PARD3: variants seen among roughly 807,000 people sequenced by gnomAD.
PARD3 encodes partitioning defective 3 homolog.
PARD3 carries 75 observed loss-of-function variants against 155.4 expected under a neutral mutation model. The observed-to-expected ratio is 0.48, with a 90% CI of 0.40 to 0.58. PARD3 has a LOEUF of 0.58. PARD3 is among the 20% of genes least tolerant of loss of function. The pLI is 0.00. For missense variants in PARD3, 1,642 were observed against 1,721.7 expected (o/e 0.95, Z 0.82); for synonymous variants, 576 against 610.5 (o/e 0.94, Z 0.83).
chr10:34,359,003 C>T (rs915101040), intron 14 of PARD3, 144 bp downstream of exon 14: 16 of 592,496 alleles, frequency 2.7e-5, no homozygotes, highest in African/African-American at 5.7e-5. Context: ...AATCCACCTA[C>T]AAAATAATAA....
chr10:34,309,993 C>T (rs1450875440), intron 20 of PARD3, among the ~76,000 whole-genome samples: 2 of 151,022 alleles, frequency 1.3e-5, no homozygotes, highest in Admixed American at 6.6e-5. Flanking sequence ...TCTTTTGCTT[C>T]TAAATTGGCT....
chr10:34,243,229 T>C (rs1359990705), intron 22 of PARD3, among the ~76,000 whole-genome samples: 2 of 152,114 alleles, frequency 1.3e-5, no homozygotes, highest in Admixed American at 1.3e-4. Context: ...GTACTGACAG[T>C]TCAAATTTGA....
At chr10:34,491,696 G>A (rs559392524) in intron 3 of PARD3, among the ~76,000 whole-genome samples, 2 of 152,298 alleles carry the variant, frequency 1.3e-5, no homozygotes, top group African/African-American at 4.8e-5. Flanking sequence ...AGCATTTTAA[G>A]AAAACCAAAC....
intron 4 of PARD3, 59 bp downstream of exon 4, chr10:34,470,026 A>C (rs1394708700): frequency 5.8e-6 from 8 of 1,388,690 alleles, no homozygotes; most frequent in African/African-American, 2.9e-5. Context: ...GACACTCATC[A>C]CGGACACCAA....
At chr10:34,514,287 AC>A (rs2081574280) in intron 3 of PARD3, among the ~76,000 whole-genome samples, 1 of 152,202 alleles carries the variant, frequency 6.6e-6, no homozygotes, top group African/African-American at 2.4e-5. Flanking sequence ...GCAAATCTCT[AC>A]ATATTGTTGG....
chr10:34,353,114 G>T (rs557688296), intron 14 of PARD3, among the ~76,000 whole-genome samples: 2 of 151,910 alleles, frequency 1.3e-5, no homozygotes, highest in South Asian at 4.1e-4. Flanking sequence ...CCCAGCAGCC[G>T]CCCCGTCTGG....
chr10:34,485,375 A>G (rs2079385430), intron 3 of PARD3, among the ~76,000 whole-genome samples: 1 of 152,024 alleles, frequency 6.6e-6, no homozygotes, highest in Non-Finnish European at 1.5e-5. Flanking sequence ...AAGGTTAAAG[A>G]TATGCCCCCA....
intron 4 of PARD3, among the ~76,000 whole-genome samples, chr10:34,453,898 T>C (rs2077191888): frequency 6.6e-6 from 1 of 152,218 alleles, no homozygotes; most frequent in African/African-American, 2.4e-5. Context: ...TTGAAGAATT[T>C]TACAATTTTA....
chr10:34,239,775 C>T (rs1040651440), intron 22 of PARD3, among the ~76,000 whole-genome samples: 2 of 149,682 alleles, frequency 1.3e-5, no homozygotes, highest in Non-Finnish European at 3.0e-5. Flanking sequence ...TGCATTCTAG[C>T]CTGGGCAATG....
At chr10:34,786,352 T>C (rs1840964160) in intron 1 of PARD3, among the ~76,000 whole-genome samples, 1 of 152,216 alleles carries the variant, frequency 6.6e-6, no homozygotes, top group African/African-American at 2.4e-5. Context: ...CTTTGACCCA[T>C]AACTATTGAC....
At chr10:34,414,664 T>A (rs1246091870) in intron 5 of PARD3, among the ~76,000 whole-genome samples, 2 of 150,434 alleles carry the variant, frequency 1.3e-5, no homozygotes, top group Non-Finnish European at 3.0e-5. Flanking sequence ...AAAAAAAAAA[T>A]TAAAAGAAAA....
chr10:34,639,908 C>A (rs948155176), intron 2 of PARD3, among the ~76,000 whole-genome samples: 3 of 152,088 alleles, frequency 2.0e-5, no homozygotes, highest in African/African-American at 7.2e-5. Context: ...AGATACCTCG[C>A]AGAGTGTTAT....
chr10:34,527,083 T>A (rs952223061), intron 2 of PARD3, among the ~76,000 whole-genome samples: 1 of 152,252 alleles, frequency 6.6e-6, no homozygotes, highest in Non-Finnish European at 1.5e-5. Flanking sequence ...TTGCAAATTA[T>A]ATTTAAAATG....
At chr10:34,429,440 G>A (rs1382002660) in intron 5 of PARD3, among the ~76,000 whole-genome samples, 1 of 151,440 alleles carries the variant, frequency 6.6e-6, no homozygotes. Flanking sequence ...TGTCACCCAG[G>A]CTGGAGTACA....
chr10:34,333,134 G>A (rs1054693561), intron 18 of PARD3, among the ~76,000 whole-genome samples: 4 of 152,052 alleles, frequency 2.6e-5, no homozygotes, highest in African/African-American at 9.6e-5. Context: ...GTTTATTAAG[G>A]ATATGTGTAT....
intron 20 of PARD3, among the ~76,000 whole-genome samples, chr10:34,297,166 G>A (rs559137586): frequency 9.2e-5 from 14 of 152,202 alleles, no homozygotes; most frequent in South Asian, 4.2e-4. Flanking sequence ...AGCCGGGTAC[G>A]GTGGCGCACG....
intron 23 of PARD3, among the ~76,000 whole-genome samples, chr10:34,120,818 CTAAA>C (rs1275337958): frequency 6.6e-6 from 1 of 152,186 alleles, no homozygotes; most frequent in African/African-American, 2.4e-5. Flanking sequence ...ATCCTTCTAA[CTAAA>C]TACTTTGGTT....
At chr10:34,468,591 A>G (rs1206241714) in intron 4 of PARD3, among the ~76,000 whole-genome samples, 1 of 152,232 alleles carries the variant, frequency 6.6e-6, no homozygotes, top group Non-Finnish European at 1.5e-5. Context: ...TTACAAGCTA[A>G]TCTTAATGAG....
intron 3 of PARD3, among the ~76,000 whole-genome samples, chr10:34,492,326 C>T (rs546042458): frequency 6.6e-6 from 1 of 152,280 alleles, no homozygotes; most frequent in Non-Finnish European, 1.5e-5. Flanking sequence ...TCTTAATTCA[C>T]AGGGTAAACC....
Sources: gnomAD v4.1 joint callset for allele counts (sites outside exome capture counted in the v4.1 genomes callset) on GRCh38, gnomAD v4.1.1 for gene constraint, MANE v1.5 for transcripts, NCBI Gene and HGNC (gene_info 2026-07-23, HGNC 2026-07-21) for gene names.